The following SLC45A2 variants were observed in gnomAD, a reference collection of about 807,000 sequenced individuals.
The protein encoded by SLC45A2 is membrane-associated transporter protein.
A neutral mutation model predicts 45.5 loss-of-function variants in SLC45A2; 36 were observed. The observed-to-expected ratio is 0.79, with a 90% CI of 0.61 to 1.04. The LOEUF is 1.04. SLC45A2 is among the 50% of genes least tolerant of loss of function. The pLI is 0.00. For missense variants in SLC45A2, 719 were observed against 671.0 expected (o/e 1.07, Z -0.79); for synonymous variants, 306 against 269.3 (o/e 1.14, Z -1.33).
At chr5:33,967,614 G>T (rs1484102311) in intron 2 of SLC45A2, among the ~76,000 whole-genome samples, 1 of 152,162 alleles carries the variant, frequency 6.6e-6, no homozygotes, top group Non-Finnish European at 1.5e-5. Flanking sequence ...AAAGCACAGT[G>T]ATTTGCAGTC....
chr5:33,954,934 CT>C (rs1752231497), intron 3 of SLC45A2, among the ~76,000 whole-genome samples: 1 of 152,138 alleles, frequency 6.6e-6, no homozygotes, highest in Non-Finnish European at 1.5e-5. Flanking sequence ...TCTTGGTCCC[CT>C]GATGTCATCC....
intron 3 of SLC45A2, among the ~76,000 whole-genome samples, chr5:33,959,416 A>G (rs2111945908): frequency 6.6e-6 from 1 of 152,260 alleles, no homozygotes; most frequent in East Asian, 1.9e-4. Flanking sequence ...GGTGAAGGAG[A>G]GTCAAAGAGT....
chr5:33,963,431 C>G (rs1752505409), intron 3 of SLC45A2, among the ~76,000 whole-genome samples: 1 of 148,652 alleles, frequency 6.7e-6, no homozygotes, highest in African/African-American at 2.5e-5. Flanking sequence ...CCTAACCTTT[C>G]TCAACTGGCT....
At chr5:33,963,114 G>T (rs1255214576) in intron 3 of SLC45A2, among the ~76,000 whole-genome samples, 1 of 152,168 alleles carries the variant, frequency 6.6e-6, no homozygotes, top group South Asian at 2.1e-4. Context: ...AGCCCCACGG[G>T]ATTATTAGCT....
chr5:33,968,945 G>GA (rs1168738240), intron 2 of SLC45A2, among the ~76,000 whole-genome samples: 16 of 152,056 alleles, frequency 1.1e-4, no homozygotes, highest in South Asian at 4.2e-4. Context: ...TCTACATGTT[G>GA]AAAAAAATAG....
chr5:33,967,965 T>TAA (rs34859752), intron 2 of SLC45A2, among the ~76,000 whole-genome samples: 28 of 133,426 alleles, frequency 2.1e-4, no homozygotes, highest in Middle Eastern at 3.8e-3. Flanking sequence ...GGGAAGGGGG[T>TAA]AAAAAAAAAA....
chr5:33,977,645 T>C (rs560299268), intron 2 of SLC45A2, among the ~76,000 whole-genome samples: 1 of 152,316 alleles, frequency 6.6e-6, no homozygotes, highest in East Asian at 1.9e-4. Context: ...CCTTCATTTG[T>C]CCCATTGGTA....
At chr5:33,945,667 AG>A (rs1561353112) in intron 6 of SLC45A2, among the ~76,000 whole-genome samples, 1 of 150,956 alleles carries the variant, frequency 6.6e-6, no homozygotes, top group Non-Finnish European at 1.5e-5. Context: ...GTCGGGTGCT[AG>A]GGGGCACTAT....
chr5:33,950,979 C>T (rs1752079746), intron 5 of SLC45A2, among the ~76,000 whole-genome samples: 1 of 152,146 alleles, frequency 6.6e-6, no homozygotes, highest in Non-Finnish European at 1.5e-5. Context: ...AGCAGAAATC[C>T]CTTTGTTCAG....
intron 3 of SLC45A2, among the ~76,000 whole-genome samples, chr5:33,957,577 T>C (rs1752313189): frequency 6.6e-6 from 1 of 152,286 alleles, no homozygotes; most frequent in South Asian, 2.1e-4. Flanking sequence ...AAGTTCAATA[T>C]GGTACCTGTA....
At chr5:33,970,110 C>T (rs1321192703) in intron 2 of SLC45A2, among the ~76,000 whole-genome samples, 1 of 152,182 alleles carries the variant, frequency 6.6e-6, no homozygotes, top group Non-Finnish European at 1.5e-5. Context: ...CTGAGTTAGA[C>T]AGCCCCTGTG....
In SLC45A2 at chr5:33,978,633, AC is replaced by A. The variant is rs1231793266; in HGVS notation, c.562+3602del. On this transcript the variant is annotated intron_variant, in intron 2 of 6. Transcript: ENST00000296589. The stretch of plus-strand genomic sequence containing the variant: ...TCAATTGCCAATTGAAAAAGTTTTG[AC>A]TCTACCTATAACCTGTGAGCCCCCC... 9.9e-5 allele frequency among the ~76,000 whole-genome samples: 15 copies of A among 152,210 alleles called. No homozygotes were observed. In the South Asian group the frequency reaches 3.1e-3, roughly 32 times the overall value.
chr5:33,947,437 G>C (rs1423275530), intron 5 of SLC45A2, 63 bp from the exon 6 acceptor site: 1 of 1,426,264 alleles, frequency 7.0e-7, no homozygotes, highest in African/African-American at 1.4e-5. Flanking sequence ...AATAATTTCA[G>C]ACAATCCTTT....
Position 33,984,385 on chromosome 5 carries a change from T to C in SLC45A2, c.199A>G (p.Ser67Gly). 1.2e-6 allele frequency: 2 copies of C among 1,613,716 alleles called. No homozygotes were observed. Among genetic ancestry groups the C allele is most frequent in the Non-Finnish European group, 1.7e-6 (2 of 1,179,792 alleles). Residue 67 changes from serine (S) to glycine (G), a missense_variant, in exon 1 of 7, where the codon AGC becomes GGC. Physicochemically the swap from Ser to Gly is moderately conservative, Grantham distance 56 (BLOSUM62 0). Transcript: ENST00000296589. ...AACCACACAATGCTGTACAGGCTGC[T>C]GGGCAGACCTACGCTGAGCAGGACT... ...TPVLLSVGLP[S>G]SLYSIVWFLS...
rs1369512167 is a variant in SLC45A2 at position 33,944,765 on chromosome 5, A to G, written c.1476T>C (p.Gly492=). Reference sequence around the variant, plus strand: ...CTGTGTTGACCAGAAAGCCCAGGCCACCTCCGACCAGGATCTGAGCCAGCT... The same window carrying G: ...CTGTGTTGACCAGAAAGCCCAGGCCGCCTCCGACCAGGATCTGAGCCAGCT... ...MVQLAQILVG[G]GLGFLVNTAG... Residue 492 remains glycine, a synonymous_variant, in exon 7 of 7, where the codon GGT becomes GGC. Coordinates refer to ENST00000296589, the MANE Select transcript of SLC45A2 (RefSeq NM_016180.5). 3 of 1,614,164 alleles carry G rather than the reference A, an allele frequency of 1.9e-6. No homozygotes were observed. The highest frequency in any genetic ancestry group is 2.5e-6 in the Non-Finnish European group (3 of 1,180,022).
intron 1 of SLC45A2, 72 bp from the exon 2 acceptor site, chr5:33,982,484 A>C (rs1753108197): frequency 2.1e-6 from 3 of 1,439,656 alleles, no homozygotes; most frequent in Admixed American, 3.5e-5. Context: ...TTTCCACCTA[A>C]ACTTCTTGCC....
At chr5:33,952,679 T>C (rs1344910950) in intron 4 of SLC45A2, among the ~76,000 whole-genome samples, 2 of 88,920 alleles carry the variant, frequency 2.2e-5, no homozygotes, top group African/African-American at 7.5e-5. Flanking sequence ...CAAAAGTTTT[T>C]TTTTTTTTTT....
intron 3 of SLC45A2, among the ~76,000 whole-genome samples, chr5:33,957,843 T>C (rs1424276989): frequency 1.3e-5 from 2 of 152,228 alleles, no homozygotes; most frequent in Admixed American, 1.3e-4. Flanking sequence ...CCTGCTTTCA[T>C]TGTTAGCCTA....
intron 3 of SLC45A2, among the ~76,000 whole-genome samples, chr5:33,957,663 A>G (rs1309295757): frequency 6.6e-6 from 1 of 152,212 alleles, no homozygotes; most frequent in African/African-American, 2.4e-5. Flanking sequence ...GCAGCTAACA[A>G]TAGCCCAAGA....
Sources: allele counts gnomAD v4.1 joint callset (sites outside exome capture counted in the v4.1 genomes callset), GRCh38; gene constraint gnomAD v4.1.1; transcripts MANE v1.5; gene names NCBI Gene and HGNC (gene_info 2026-07-23, HGNC 2026-07-21).